MET: variants seen among roughly 807,000 people sequenced by gnomAD.
MET encodes hepatocyte growth factor receptor.
A neutral mutation model predicts 133.1 loss-of-function variants in MET; 48 were observed. The observed-to-expected ratio is 0.36, with a 90% CI of 0.29 to 0.46. MET has a LOEUF of 0.46. Ranked by LOEUF, MET falls within the 20% of genes least tolerant of loss-of-function variation. The pLI is 1.00. For synonymous variants in MET, 628 were observed against 616.5 expected, an observed-to-expected ratio of 1.02 and a Z score of -0.28; for missense variants, 1,442 against 1,695.9, an observed-to-expected ratio of 0.85 and a Z score of 2.63.
chr7:116,762,211 T>G (rs935202940), intron 10 of MET, among the ~76,000 whole-genome samples: 15 of 152,302 alleles, frequency 9.8e-5, no homozygotes, highest in African/African-American at 3.6e-4. Flanking sequence ...AAGGTTTCAG[T>G]ATAAAATATG....
At chr7:116,795,499 T>C (rs1349457728) in intron 19 of MET, among the ~76,000 whole-genome samples, 156 bp from the exon 20 acceptor site, 1 of 152,242 alleles carries the variant, frequency 6.6e-6, no homozygotes, top group Non-Finnish European at 1.5e-5. Context: ...TCATGAAATG[T>C]ATAGCTTAAT....
chr7:116,798,119 T>C lies in MET; in HGVS notation c.*1995T>C, dbSNP rs1795733357. The C allele has an allele frequency of 4.5e-6, 1 of 220,026 alleles. No individual in the cohort carries two copies. Among genetic ancestry groups the C allele is most frequent in the South Asian group, 1.8e-4 (1 of 5,416 alleles). The allele number at this position is 220,026 out of a possible 1,614,324, so 13.6% of individuals were successfully genotyped here. A position where few individuals can be genotyped will look rare whatever the true frequency, so the allele number is the denominator to read the frequency against. On this transcript the variant is annotated 3_prime_UTR_variant, in exon 21 of 21. Transcript: ENST00000397752. The stretch of plus-strand genomic sequence containing the variant: ...AGGGTCAAGAGCATGAACGCATCAA[T>C]AGAAAGAACTCGGGGAAACATCCCA...
chr7:116,750,266 G>A (rs531891537), intron 5 of MET, among the ~76,000 whole-genome samples: 1 of 152,286 alleles, frequency 6.6e-6, no homozygotes, highest in Non-Finnish European at 1.5e-5. Flanking sequence ...AGAGGCCTCA[G>A]AAATAACACC....
intron 2 of MET, among the ~76,000 whole-genome samples, chr7:116,726,863 A>ACC (rs1792812211): frequency 6.6e-6 from 1 of 152,184 alleles, no homozygotes; most frequent in African/African-American, 2.4e-5. Context: ...GAGATAGGAG[A>ACC]CCAGAAGGCC....
intron 3 of MET, among the ~76,000 whole-genome samples, chr7:116,736,606 A>T (rs1185955047): frequency 6.6e-6 from 1 of 152,204 alleles, no homozygotes; most frequent in Non-Finnish European, 1.5e-5. Context: ...TAGCCACAAC[A>T]GTTTTATTTG....
At chr7:116,697,116 A>G (rs754706203) in intron 1 of MET, among the ~76,000 whole-genome samples, 3 of 152,142 alleles carry the variant, frequency 2.0e-5, no homozygotes, top group Non-Finnish European at 4.4e-5. Flanking sequence ...TACCATTCCC[A>G]TATATTCAGC....
chr7:116,741,246 C>T (rs1237743341), intron 5 of MET: 12 of 559,362 alleles, frequency 2.1e-5, no homozygotes. Context: ...GGGCATCCCC[C>T]CAAGTCCTGC....
intron 17 of MET, among the ~76,000 whole-genome samples, chr7:116,781,083 C>G (rs1795141344): frequency 6.6e-6 from 1 of 152,186 alleles, no homozygotes; most frequent in Non-Finnish European, 1.5e-5. Context: ...TACTATCCAC[C>G]TGCCCTAATC....
chr7:116,780,555 C>T (rs916321248), intron 17 of MET, among the ~76,000 whole-genome samples: 2 of 152,122 alleles, frequency 1.3e-5, no homozygotes, highest in African/African-American at 2.4e-5. Flanking sequence ...GGTACTGTTA[C>T]CCCAGGATTA....
At chr7:116,686,488 A>G (rs558441244) in intron 1 of MET, among the ~76,000 whole-genome samples, 1 of 152,278 alleles carries the variant, frequency 6.6e-6, no homozygotes, top group East Asian at 1.9e-4. Flanking sequence ...CTGAAACACT[A>G]CATCATCAGC....
At chr7:116,724,678 C>A (rs971424003) in intron 2 of MET, 3 of 504,590 alleles carry the variant, frequency 5.9e-6, no homozygotes, top group African/African-American at 2.0e-5. Flanking sequence ...TCCTTGGAAT[C>A]GGAAAAAAAA....
chr7:116,789,222 T>C (rs1275654333), intron 19 of MET, among the ~76,000 whole-genome samples: 2 of 152,146 alleles, frequency 1.3e-5, no homozygotes, highest in African/African-American at 4.8e-5. Context: ...TGTAGCTGTC[T>C]CCCAGGATTT....
intron 1 of MET, among the ~76,000 whole-genome samples, chr7:116,686,148 A>G (rs1192022152): frequency 2.0e-5 from 3 of 151,924 alleles, no homozygotes; most frequent in Non-Finnish European, 4.4e-5. Flanking sequence ...ACACCCTGCA[A>G]TGACTCCCCA....
intron 2 of MET, among the ~76,000 whole-genome samples, chr7:116,710,524 A>G (rs1791955846): frequency 6.6e-6 from 1 of 152,156 alleles, no homozygotes; most frequent in Non-Finnish European, 1.5e-5. Context: ...CTGAGTAGGT[A>G]GCATAATTGC....
chr7:116,706,927 C>A (rs550462929), intron 2 of MET, among the ~76,000 whole-genome samples: 1 of 149,828 alleles, frequency 6.7e-6, no homozygotes, highest in African/African-American at 2.5e-5. Flanking sequence ...ATGTGGTAAC[C>A]GAATCTAGGA....
chr7:116,770,791 A>G (rs1794807073), intron 12 of MET, among the ~76,000 whole-genome samples: 1 of 152,192 alleles, frequency 6.6e-6, no homozygotes, highest in African/African-American at 2.4e-5. Context: ...TTGTGGATGA[A>G]TAATATTCCA....
In MET at chr7:116,700,079, A is replaced by G. The variant is rs1060503529; in HGVS notation, c.995A>G (p.Gln332Arg). 1 of 1,612,882 alleles carries G rather than the reference A, an allele frequency of 6.2e-7. No individual in the cohort carries two copies. Among genetic ancestry groups the G allele is most frequent in the Non-Finnish European group, 8.5e-7 (1 of 1,179,600 alleles). ...VSKPGAQLAR[Q>R]IGASLNDDIL... ...AAGCCTGGGGCCCAGCTTGCTAGAC[A>G]AATAGGAGCCAGCCTGAATGATGAC... is the stretch of plus-strand genomic sequence containing the variant. Residue 332 changes from glutamine to arginine, a missense_variant, in exon 2 of 21, where the codon CAA becomes CGA. Physicochemically the swap from Gln to Arg is conservative, Grantham distance 43 (BLOSUM62 1). Around this residue, in one of 6 missense-constraint regions of MET, gnomAD observed 762 missense variants for 792.4 expected, o/e 0.96. Transcript: ENST00000397752.
chr7:116,758,688 C>A (rs1794283309), intron 9 of MET, 68 bp downstream of exon 9: 2 of 1,504,320 alleles, frequency 1.3e-6, no homozygotes, highest in South Asian at 1.1e-5. Context: ...GTAGAATAGT[C>A]AAGAGGAATT....
chr7:116,784,525 T>A (rs1048567921), intron 19 of MET, among the ~76,000 whole-genome samples: 2 of 152,204 alleles, frequency 1.3e-5, no homozygotes, highest in Non-Finnish European at 2.9e-5. Context: ...GCATTTTACA[T>A]GGCAGGAGCA....
Sources: gnomAD v4.1 joint callset for allele counts (sites outside exome capture counted in the v4.1 genomes callset) on GRCh38, gnomAD v4.1.1 for gene constraint, gnomAD v4.1.1 regional missense constraint, MANE v1.5 for transcripts, NCBI Gene and HGNC (gene_info 2026-07-23, HGNC 2026-07-21) for gene names.